PRKG1: variants seen among roughly 807,000 people sequenced by gnomAD.
The protein encoded by PRKG1 is cGMP-dependent protein kinase 1.
PRKG1 carries 35 observed loss-of-function variants against 88.1 expected under a neutral mutation model. That is an observed-to-expected ratio of 0.40 (90% CI 0.30 to 0.53). The LOEUF is 0.53. Among genes scored for constraint, PRKG1 ranks in the 20% least tolerant of loss-of-function variants. The probability of loss-of-function intolerance (pLI) is 0.59; values close to 1 mark genes in which losing one functional copy is unlikely to be tolerated. For synonymous variants in PRKG1, 303 were observed against 292.5 expected (o/e 1.04, Z -0.37); for missense variants, 540 against 839.8 (o/e 0.64, Z 4.41).
chr10:52,098,035 T>G (rs1847212881), intron 7 of PRKG1, among the ~76,000 whole-genome samples: 1 of 152,098 alleles, frequency 6.6e-6, no homozygotes, highest in Admixed American at 6.6e-5. Flanking sequence ...TACATAAATT[T>G]TGGTCTAATA....
intron 5 of PRKG1, among the ~76,000 whole-genome samples, chr10:51,965,772 T>C (rs975381651): frequency 1.3e-5 from 2 of 152,214 alleles, no homozygotes; most frequent in African/African-American, 4.8e-5. Context: ...CACTTAGCAG[T>C]CTGTTCTTAT....
intron 7 of PRKG1, among the ~76,000 whole-genome samples, chr10:52,132,500 G>T (rs2132632694): frequency 6.6e-6 from 1 of 152,180 alleles, no homozygotes; most frequent in East Asian, 1.9e-4. Context: ...AAGACACAGA[G>T]ATCAGTGAAA....
At chr10:51,710,569 T>A (rs1841719177) in intron 3 of PRKG1, among the ~76,000 whole-genome samples, 1 of 152,194 alleles carries the variant, frequency 6.6e-6, no homozygotes, top group Admixed American at 6.5e-5. Flanking sequence ...AGGCCATTGA[T>A]TCATTGAGCA....
chr10:51,945,815 T>C (rs1256228677), intron 5 of PRKG1, among the ~76,000 whole-genome samples: 3 of 151,668 alleles, frequency 2.0e-5, no homozygotes, highest in Non-Finnish European at 2.9e-5. Flanking sequence ...GAGTTTCTGC[T>C]GAGAGATCCG....
At chr10:51,730,726 A>G (rs142395579) in intron 3 of PRKG1, among the ~76,000 whole-genome samples, 51 of 152,372 alleles carry the variant, frequency 3.3e-4, no homozygotes, top group African/African-American at 1.0e-3. Context: ...ACGAAGATAA[A>G]GTGAGTTAAA....
At chr10:51,613,746 G>A (rs1251272122) in intron 3 of PRKG1, among the ~76,000 whole-genome samples, 1 of 151,444 alleles carries the variant, frequency 6.6e-6, no homozygotes, top group East Asian at 1.9e-4. Context: ...TAACCCAATG[G>A]TCACTCAAGA....
At chr10:51,077,351 A>C (rs1393252170) in intron 1 of PRKG1, among the ~76,000 whole-genome samples, 1 of 152,196 alleles carries the variant, frequency 6.6e-6, no homozygotes, top group Non-Finnish European at 1.5e-5. Flanking sequence ...TCCAGTTAAA[A>C]TGAAACTATC....
intron 5 of PRKG1, among the ~76,000 whole-genome samples, chr10:51,975,566 A>G (rs1843810875): frequency 6.6e-6 from 1 of 152,150 alleles, no homozygotes; most frequent in African/African-American, 2.4e-5. Context: ...CACTTCTGCC[A>G]TACATAGCTA....
At chr10:52,243,275 T>A (rs1840914238) in intron 9 of PRKG1, among the ~76,000 whole-genome samples, 1 of 152,208 alleles carries the variant, frequency 6.6e-6, no homozygotes, top group African/African-American at 2.4e-5. Flanking sequence ...TTTATAACTT[T>A]TACATTTGCC....
At chr10:51,352,806 T>C (rs1390322224) in intron 2 of PRKG1, among the ~76,000 whole-genome samples, 1 of 152,004 alleles carries the variant, frequency 6.6e-6, no homozygotes, top group African/African-American at 2.4e-5. Context: ...GAGTCAAAGT[T>C]ATATTGAGCA....
chr10:51,774,784 G>C (rs1366373549), intron 3 of PRKG1, among the ~76,000 whole-genome samples: 2 of 152,102 alleles, frequency 1.3e-5, no homozygotes, highest in Admixed American at 6.5e-5. Flanking sequence ...GAAGAAAGAG[G>C]TCAGTTTAAA....
chr10:51,349,302 GT>G (rs1193223922), intron 2 of PRKG1, among the ~76,000 whole-genome samples: 1 of 152,082 alleles, frequency 6.6e-6, no homozygotes, highest in African/African-American at 2.4e-5. Flanking sequence ...CAAGGTGAGA[GT>G]TTAGAACCAT....
At chr10:51,722,609 A>C (rs1349426586) in intron 3 of PRKG1, among the ~76,000 whole-genome samples, 1 of 152,180 alleles carries the variant, frequency 6.6e-6, no homozygotes, top group Non-Finnish European at 1.5e-5. Flanking sequence ...AGAGAGGCAA[A>C]ATATTTCACC....
chr10:51,401,331 T>C (rs866234294), intron 2 of PRKG1, among the ~76,000 whole-genome samples: 2 of 152,182 alleles, frequency 1.3e-5, no homozygotes, highest in Admixed American at 6.5e-5. Flanking sequence ...GTGACTACCA[T>C]TTGGAAAGAG....
At chr10:51,212,130 G>A (rs1181089249) in intron 2 of PRKG1, among the ~76,000 whole-genome samples, 1 of 151,972 alleles carries the variant, frequency 6.6e-6, no homozygotes, top group Non-Finnish European at 1.5e-5. Flanking sequence ...ATAGACCAAT[G>A]GAACAGAACA....
intron 2 of PRKG1, among the ~76,000 whole-genome samples, chr10:51,369,297 G>A (rs1041246436): frequency 6.6e-6 from 1 of 152,012 alleles, no homozygotes; most frequent in Admixed American, 6.6e-5. Flanking sequence ...CAAGATCAAG[G>A]CATTGACAGA....
At chr10:52,248,934 T>TTTTCC (rs1013627035) in intron 9 of PRKG1, among the ~76,000 whole-genome samples, 9 of 150,966 alleles carry the variant, frequency 6.0e-5, no homozygotes, top group East Asian at 5.9e-4. Flanking sequence ...CTTTTCCTTC[T>TTTTCC]TTTCCTTTCC....
At chr10:52,063,682 G>A (rs1564453171) in intron 7 of PRKG1, among the ~76,000 whole-genome samples, 1 of 152,198 alleles carries the variant, frequency 6.6e-6, no homozygotes, top group Non-Finnish European at 1.5e-5. Context: ...AAAACCTGCA[G>A]TGGGCAGCCC....
intron 2 of PRKG1, among the ~76,000 whole-genome samples, chr10:51,360,998 G>A (rs1842468676): frequency 6.6e-6 from 1 of 151,844 alleles, no homozygotes; most frequent in Admixed American, 6.6e-5. Context: ...TGAAGTTAAG[G>A]AAAATGTGTC....
Sources: gnomAD v4.1 joint callset for allele counts (sites outside exome capture counted in the v4.1 genomes callset) on GRCh38, gnomAD v4.1.1 for gene constraint, MANE v1.5 for transcripts, NCBI Gene and HGNC (gene_info 2026-07-23, HGNC 2026-07-21) for gene names.